HERC2: variants seen among roughly 807,000 people sequenced by gnomAD.
The protein encoded by HERC2 is HECT and RLD domain containing E3 ubiquitin protein ligase 2, also known as E3 ubiquitin-protein ligase HERC2.
Under a neutral mutation model 537.7 loss-of-function variants are expected in HERC2, and 102 were observed. That is an observed-to-expected ratio of 0.19 (90% CI 0.16 to 0.22). HERC2 has a LOEUF of 0.22. Ranked by LOEUF, HERC2 falls within the 10% of genes least tolerant of loss-of-function variation. The pLI, the probability that HERC2 is intolerant of heterozygous loss-of-function variation, is 1.00. For missense variants in HERC2, 4,236 were observed against 6,198.2 expected (o/e 0.68, Z 10.63); for synonymous variants, 2,224 against 2,466.2 (o/e 0.90, Z 2.91).
chr15:28,128,073 A>ACACAACC (rs1219432565), intron 83 of HERC2, among the ~76,000 whole-genome samples: 4 of 152,238 alleles, frequency 2.6e-5, no homozygotes, highest in East Asian at 3.9e-4. Flanking sequence ...GATCAAAGAC[A>ACACAACC]CACAACCCGA....
At chr15:28,298,126 AC>A (rs1324395833) in intron 3 of HERC2, among the ~76,000 whole-genome samples, 1 of 150,392 alleles carries the variant, frequency 6.6e-6, no homozygotes, top group Non-Finnish European at 1.5e-5. Context: ...GGAGACTAAT[AC>A]TTTTTCCCAT....
intron 19 of HERC2, among the ~76,000 whole-genome samples, chr15:28,254,875 T>C (rs2075205032): frequency 6.6e-6 from 1 of 152,212 alleles, no homozygotes; most frequent in Non-Finnish European, 1.5e-5. Context: ...GAAGCTGGAA[T>C]TCTCACATAC....
intron 70 of HERC2, among the ~76,000 whole-genome samples, chr15:28,148,383 A>G (rs1891989733): frequency 6.6e-6 from 1 of 152,230 alleles, no homozygotes; most frequent in Non-Finnish European, 1.5e-5. Flanking sequence ...AGTACTTGAA[A>G]GAGAAAGTAA....
At chr15:28,168,373 T>G in intron 67 of HERC2, 34 bp downstream of exon 67, 1 of 1,596,870 alleles carries the variant, frequency 6.3e-7, no homozygotes, top group Non-Finnish European at 8.6e-7. Flanking sequence ...ACCTTTTCCT[T>G]TCTGATCTAA....
At chr15:28,224,305 T>C (rs1004707763) in intron 35 of HERC2, among the ~76,000 whole-genome samples, 7 of 151,734 alleles carry the variant, frequency 4.6e-5, no homozygotes, top group African/African-American at 1.7e-4. Context: ...CACTGCAACC[T>C]CTGCCTCCCG....
chr15:28,127,759 C>T (rs557153899), intron 83 of HERC2, among the ~76,000 whole-genome samples: 125 of 152,162 alleles, frequency 8.2e-4, no homozygotes, highest in African/African-American at 2.9e-3. Context: ...AACGGGGACA[C>T]ACAAAAAGGG....
rs1217224240 is a variant in HERC2 at position 28,192,088 on chromosome 15, G to A, written c.8324C>T (p.Pro2775Leu). ...GGACCAGCTGTCCAGCAGCATGCCT[G>A]GCTGGCTGCTGTGGCAACGCTTCAG... ...KQLKRCHSSQ[P>L]GMLLDSWSRM... Residue 2775 changes from proline (P) to leucine (L), a missense_variant, in exon 53 of 93, where the codon CCA becomes CTA. This residue lies in a region of HERC2 where 606 missense variants were observed against 884.5 expected (regional missense o/e 0.69). Coordinates refer to ENST00000261609, the MANE Select transcript of HERC2 (RefSeq NM_004667.6). 4 of 1,614,050 alleles carry A rather than the reference G, an allele frequency of 2.5e-6. No homozygotes were observed. The South Asian group carries it at 4.4e-5, about 18-fold the overall frequency.
At chr15:28,236,320 C>G (rs535491221) in intron 26 of HERC2, among the ~76,000 whole-genome samples, 1 of 152,166 alleles carries the variant, frequency 6.6e-6, no homozygotes, top group African/African-American at 2.4e-5. Context: ...GACGGAGTCT[C>G]GCTCTTGTCA....
At chr15:28,141,305 C>T (rs1891202532) in intron 78 of HERC2, 127 bp downstream of exon 78, 3 of 698,562 alleles carry the variant, frequency 4.3e-6, no homozygotes, top group African/African-American at 1.8e-5. Flanking sequence ...TTCCTGCATA[C>T]CACAGTATCA....
chr15:28,257,671 G>C (rs1227457701), intron 16 of HERC2, among the ~76,000 whole-genome samples: 2 of 152,008 alleles, frequency 1.3e-5, no homozygotes, highest in Non-Finnish European at 2.9e-5. Flanking sequence ...GGATCTAAGA[G>C]AACGGTGGAA....
intron 83 of HERC2, among the ~76,000 whole-genome samples, chr15:28,128,147 A>G (rs923292323): frequency 2.6e-5 from 4 of 152,248 alleles, no homozygotes; most frequent in Admixed American, 1.3e-4. Flanking sequence ...ACTGGTGTCA[A>G]GTTGCAAGAA....
chr15:28,290,025 A>C lies in HERC2; in HGVS notation c.322+2863T>G, dbSNP rs114933713. ...CTCAGGCGGGGTTCAAAGAGGACGG[A>C]CCTGCAGGAGTTGCACAGACTCTCC... On this transcript the variant is annotated intron_variant, in intron 4 of 92. Coordinates refer to ENST00000261609, the MANE Select transcript of HERC2 (RefSeq NM_004667.6). Among the ~76,000 whole-genome samples the C allele has an allele frequency of 5.0e-3, 756 of 152,368 alleles. 7 individuals carry two copies. Among genetic ancestry groups the C allele is most frequent in the African/African-American group, 0.017 (713 of 41,588 alleles).
At position 28,146,990 on chromosome 15, in the gene HERC2, T is replaced by C. The variant is rs547998550; in HGVS notation, c.10901-646A>G. Reference sequence around the variant, plus strand: ...TGACAGGCTTGGACTGGTTTTAAGATACTATCTCTGCATGCTCTGTTGGGA... The same window carrying C: ...TGACAGGCTTGGACTGGTTTTAAGACACTATCTCTGCATGCTCTGTTGGGA... On this transcript the variant is annotated intron_variant, in intron 70 of 92. Coordinates refer to ENST00000261609, the MANE Select transcript of HERC2 (RefSeq NM_004667.6). Among the ~76,000 whole-genome samples the C allele has an allele frequency of 5.5e-4, 74 of 135,748 alleles. 1 individual carries two copies. The highest frequency in any genetic ancestry group is 1.6e-3 in the Admixed American group (21 of 12,738). The allele number at this position is 135,748 out of a possible 152,430, so 89.1% of individuals were successfully genotyped here. A position where few individuals can be genotyped will look rare whatever the true frequency, so the allele number is the denominator to read the frequency against.
intron 44 of HERC2, among the ~76,000 whole-genome samples, chr15:28,209,406 C>G (rs1467920931): frequency 6.6e-6 from 1 of 151,996 alleles, no homozygotes; most frequent in South Asian, 2.1e-4. Flanking sequence ...TGCAGTGACA[C>G]GATCTCGCCT....
chr15:28,189,284 G>T (rs890104519), intron 55 of HERC2, among the ~76,000 whole-genome samples: 3 of 152,124 alleles, frequency 2.0e-5, no homozygotes, highest in Admixed American at 6.5e-5. Context: ...ATCACAGGAT[G>T]AATGGTTTTG....
At chr15:28,114,245 T>A (rs548901699) in intron 90 of HERC2, among the ~76,000 whole-genome samples, 18 of 152,256 alleles carry the variant, frequency 1.2e-4, no homozygotes, top group African/African-American at 4.3e-4. Flanking sequence ...CCTGGGCGCC[T>A]GGCAAAGGCT....
chr15:28,148,185 A>G (rs1236193356), intron 70 of HERC2, among the ~76,000 whole-genome samples: 1 of 152,218 alleles, frequency 6.6e-6, no homozygotes, highest in Non-Finnish European at 1.5e-5. Context: ...GATACAAGAC[A>G]TGAAAGAACC....
chr15:28,295,932 T>A (rs1455835550), intron 3 of HERC2, among the ~76,000 whole-genome samples: 2 of 152,038 alleles, frequency 1.3e-5, no homozygotes, highest in Non-Finnish European at 2.9e-5. Context: ...ATATTTACTA[T>A]CTGGCCCTTT....
chr15:28,135,615 A>G lies in HERC2; in HGVS notation c.12093T>C (p.Leu4031=). 6.2e-7 allele frequency: 1 copy of G among 1,614,146 alleles called. No homozygotes were observed. Among genetic ancestry groups the G allele is most frequent in the Non-Finnish European group, 8.5e-7 (1 of 1,179,958 alleles). The change falls in exon 79 of 93, where the codon CTT becomes CTC. Residue 4031 remains leucine (L), a synonymous_variant. Transcript: ENST00000261609. ...TAATAAACACATGCTGAATGGATTC[A>G]AGCAATGTTGGGGTGGACACCGACT... is the stretch of plus-strand genomic sequence containing the variant. ...GTESVSTPTL[L]ESIQHVFIKK...
Sources: allele counts gnomAD v4.1 joint callset (sites outside exome capture counted in the v4.1 genomes callset), GRCh38; gene constraint gnomAD v4.1.1; regional missense constraint gnomAD v4.1.1; transcripts MANE v1.5; gene names NCBI Gene and HGNC (gene_info 2026-07-23, HGNC 2026-07-21).